The following STX5 variants were observed in gnomAD, a reference collection of about 807,000 sequenced individuals.
STX5 encodes the protein syntaxin-5.
A neutral mutation model predicts 42.9 loss-of-function variants in STX5; 15 were observed. That is an observed-to-expected ratio of 0.35 (90% CI 0.23 to 0.54). The LOEUF is 0.54. Ranked by LOEUF, STX5 falls within the 20% of genes least tolerant of loss-of-function variation. The pLI is 0.91. For synonymous variants in STX5, 184 were observed against 173.2 expected (o/e 1.06, Z -0.49); for missense variants, 430 against 455.0 (o/e 0.95, Z 0.50).
At position 62,827,211 on chromosome 11, in the gene STX5, A is replaced by G. The variant is rs1299191478; in HGVS notation, c.367T>C (p.Ser123Pro). Residue 123 changes from serine to proline, a missense_variant, in exon 5 of 11, where the codon TCC becomes CCC. Ser to Pro is a moderately conservative substitution (Grantham distance 74). Coordinates refer to ENST00000294179, the MANE Select transcript of STX5 (RefSeq NM_003164.5). Reference protein sequence around the residue: ...EKLTILAKRKSLFDDKAVEIE... With the variant: ...EKLTILAKRKPLFDDKAVEIE... ...TCCACTGCTTTATCATCAAAGAGGG[A>G]CTTGCGCTTTGCCACTACAGAGACA... The G allele has an allele frequency of 1.2e-6, 2 of 1,614,054 alleles. No homozygotes were observed. The highest frequency in any genetic ancestry group is 1.7e-6 in the Non-Finnish European group (2 of 1,180,036).
At chr11:62,828,742 T>TAAAC (rs1309217151) in intron 2 of STX5, among the ~76,000 whole-genome samples, 2,993 of 128,006 alleles carry the variant, frequency 0.023, 39 homozygotes, top group Middle Eastern at 0.096. Flanking sequence ...AATAAATAAA[T>TAAAC]AAATAAACAA....
Position 62,825,268 on chromosome 11 carries a change from G to A in STX5, c.597+15C>T, listed in dbSNP as rs77325667. On this transcript the variant is annotated intron_variant, in intron 7 of 10. Coordinates refer to ENST00000294179, the MANE Select transcript of STX5 (RefSeq NM_003164.5). ...ACTCCCATATTCCTACCCCTCCTAC[G>A]CAGATTGTTCTCACCTCTGTCCTCA... 0.013 allele frequency: 20,248 copies of A among 1,613,856 alleles called. 190 individuals are homozygous for A. Among genetic ancestry groups the A allele is most frequent in the Non-Finnish European group, 0.015 (17,597 of 1,179,960 alleles).
intron 10 of STX5, among the ~76,000 whole-genome samples, chr11:62,818,031 GTCAGT>G (rs1357205659): frequency 1.3e-5 from 2 of 151,998 alleles, no homozygotes; most frequent in Non-Finnish European, 2.9e-5. Context: ...ATCACCTGAG[GTCAGT>G]AGTTCGAGAC....
chr11:62,830,335 C>A (rs2084842429), intron 2 of STX5: 3 of 305,326 alleles, frequency 9.8e-6, no homozygotes, highest in Non-Finnish European at 2.0e-5. Flanking sequence ...TGATCTAGGG[C>A]CAGGTGTGGT....
At position 62,827,141 on chromosome 11, in the gene STX5, G is replaced by T. The variant is rs2084804796; in HGVS notation, c.423+14C>A. On this transcript the variant is annotated intron_variant, in intron 5 of 10. Coordinates refer to ENST00000294179, the MANE Select transcript of STX5 (RefSeq NM_003164.5). ...GATTGGAATGCTGGGCTCTCCTGATGGCTAGTAGCTCACCTGTTTGATGAT... is the reference window on the plus strand; with the variant it reads ...GATTGGAATGCTGGGCTCTCCTGATTGCTAGTAGCTCACCTGTTTGATGAT... 6.2e-7 allele frequency: 1 copy of T among 1,612,054 alleles called. No homozygotes were observed. Among genetic ancestry groups the T allele is most frequent in the Non-Finnish European group, 8.5e-7 (1 of 1,178,374 alleles).
intron 10 of STX5, among the ~76,000 whole-genome samples, chr11:62,820,832 C>T (rs2084732942): frequency 6.6e-6 from 1 of 151,992 alleles, no homozygotes; most frequent in African/African-American, 2.4e-5. Flanking sequence ...TTTCGTTCCT[C>T]TGTTTATCCT....
At position 62,807,452 on chromosome 11, in the gene STX5, C is replaced by T; in HGVS notation, c.*17G>A. ...AGGGTCCCAAACCCCAACAGAGTGCCTCAGAGTAGAGAGGGTTCAAGCAAG... is the reference window on the plus strand; with the variant it reads ...AGGGTCCCAAACCCCAACAGAGTGCTTCAGAGTAGAGAGGGTTCAAGCAAG... On this transcript the variant is annotated 3_prime_UTR_variant, in exon 11 of 11. Coordinates refer to ENST00000294179, the MANE Select transcript of STX5 (RefSeq NM_003164.5). 1 of 1,612,036 alleles carries T rather than the reference C, an allele frequency of 6.2e-7. No individual in the cohort carries two copies. The highest frequency in any genetic ancestry group is 8.5e-7 in the Non-Finnish European group (1 of 1,178,982).
At chr11:62,824,322 A>G (rs2084770937) in intron 9 of STX5, 35 bp from the exon 10 acceptor site, 1 of 1,613,962 alleles carries the variant, frequency 6.2e-7, no homozygotes, top group Non-Finnish European at 8.5e-7. Flanking sequence ...GAGCACCAAC[A>G]GCTTCTTCAG....
chr11:62,822,645 C>A (rs1476085343), intron 10 of STX5, among the ~76,000 whole-genome samples: 1 of 151,482 alleles, frequency 6.6e-6, no homozygotes, highest in Non-Finnish European at 1.5e-5. Context: ...AAACCTGGCA[C>A]TCCTGATTAG....
At chr11:62,807,656 A>G (rs1232467180) in intron 10 of STX5, 28 bp from the exon 11 acceptor site, 24 of 1,612,934 alleles carry the variant, frequency 1.5e-5, no homozygotes, top group African/African-American at 9.3e-5. Context: ...AGAAGAGGAA[A>G]CAAAAGGACA....
At chr11:62,831,536 C>G (rs959836751) in intron 1 of STX5, among the ~76,000 whole-genome samples, 6 of 152,126 alleles carry the variant, frequency 3.9e-5, no homozygotes, top group African/African-American at 1.4e-4. Context: ...CAGAGCCAAC[C>G]CCGTGGTCCT....
chr11:62,811,026 C>A (rs1283394943), intron 10 of STX5, among the ~76,000 whole-genome samples: 9 of 152,302 alleles, frequency 5.9e-5, no homozygotes, highest in South Asian at 4.1e-4. Context: ...CCTTAAAATT[C>A]TTCTATCCCA....
chr11:62,821,759 G>A (rs970714145), intron 10 of STX5, among the ~76,000 whole-genome samples: 1 of 152,016 alleles, frequency 6.6e-6, no homozygotes, highest in South Asian at 2.1e-4. Context: ...CGGGCATGGT[G>A]GCTCATGCCT....
Position 62,827,396 on chromosome 11 carries a change from C to A in STX5, c.299G>T (p.Arg100Leu), listed in dbSNP as rs761824013. The A allele has an allele frequency of 5.6e-6, 9 of 1,614,198 alleles. No individual in the cohort carries two copies. Among genetic ancestry groups the A allele is most frequent in the Admixed American group, 1.7e-5 (1 of 60,022 alleles). The change falls in exon 4 of 11, where the codon CGC becomes CTC. Residue 100 changes from arginine to leucine, a missense_variant and splice_region_variant. By Grantham distance (102) the Arg-to-Leu change is moderately radical. Coordinates refer to ENST00000294179, the MANE Select transcript of STX5 (RefSeq NM_003164.5). ...QRSEFTLMAK[R>L]IGKDLSNTFA... is the part of the protein sequence containing the mutation. ...TGTGTTGCTAAGGTCTTTCCCAATG[C>A]GCCTGCAAATGACCACTAGTCAGAC...
In STX5 at chr11:62,824,302, G is replaced by C. The variant is rs761911320; in HGVS notation, c.787-15C>G. The C allele has an allele frequency of 1.2e-6, 2 of 1,614,202 alleles. No homozygotes were observed. The highest frequency in any genetic ancestry group is 2.7e-5 in the African/African-American group (2 of 75,062). On this transcript the variant is annotated splice_polypyrimidine_tract_variant and intron_variant, in intron 9 of 10. Transcript: ENST00000294179. ...ATGTAGGAATCCTTCAGGAGAGGGA[G>C]AGAGCACATGAGCACCAACAGCTTC... is the stretch of plus-strand genomic sequence containing the variant.
chr11:62,809,891 C>G (rs1451685904), intron 10 of STX5, among the ~76,000 whole-genome samples: 1 of 151,376 alleles, frequency 6.6e-6, no homozygotes, highest in Non-Finnish European at 1.5e-5. Context: ...ATCACAAGTT[C>G]AGGGGTTTGA....
chr11:62,812,370 C>G (rs2084626761), intron 10 of STX5, among the ~76,000 whole-genome samples: 1 of 152,052 alleles, frequency 6.6e-6, no homozygotes, highest in African/African-American at 2.4e-5. Flanking sequence ...AGCCACTGCG[C>G]CTGGCCCTCC....
intron 10 of STX5, among the ~76,000 whole-genome samples, chr11:62,813,825 A>G (rs999418911): frequency 6.6e-6 from 1 of 152,152 alleles, no homozygotes; most frequent in Non-Finnish European, 1.5e-5. Context: ...GCATTGCTAC[A>G]ATAGCCTCTG....
chr11:62,810,959 C>T (rs1348505967), intron 10 of STX5, among the ~76,000 whole-genome samples: 2 of 152,204 alleles, frequency 1.3e-5, no homozygotes, highest in African/African-American at 2.4e-5. Flanking sequence ...CCCCTCCTGA[C>T]TCAAACACAT....
Sources: allele counts gnomAD v4.1 joint callset (sites outside exome capture counted in the v4.1 genomes callset), GRCh38; gene constraint gnomAD v4.1.1; transcripts MANE v1.5; gene names NCBI Gene and HGNC (gene_info 2026-07-23, HGNC 2026-07-21).